ATP2B2: variants seen among roughly 807,000 people sequenced by gnomAD.
ATP2B2 encodes plasma membrane calcium-transporting ATPase 2.
In ATP2B2, 15 loss-of-function variants were observed where a neutral mutation model predicts 120.0. The observed-to-expected ratio is 0.12, with a 90% CI of 0.08 to 0.19. The LOEUF is 0.19. ATP2B2 is among the 10% of genes least tolerant of loss of function. The pLI, the probability that ATP2B2 is intolerant of heterozygous loss-of-function variation, is 1.00. For synonymous variants in ATP2B2, 694 were observed against 700.3 expected (o/e 0.99, Z 0.14); for missense variants, 1,045 against 1,719.8 (o/e 0.61, Z 6.94).
At chr3:10,453,758 A>G (rs1326255492) in intron 1 of ATP2B2, among the ~76,000 whole-genome samples, 1 of 152,208 alleles carries the variant, frequency 6.6e-6, no homozygotes, top group African/African-American at 2.4e-5. Flanking sequence ...TATATCTGTG[A>G]TCACAACAGT....
At chr3:10,468,100 G>A (rs2125266341) in intron 1 of ATP2B2, among the ~76,000 whole-genome samples, 2 of 152,342 alleles carry the variant, frequency 1.3e-5, no homozygotes, top group Middle Eastern at 3.4e-3. Context: ...GGAGATGCCA[G>A]GGAAGTGGGA....
In ATP2B2 at chr3:10,496,945, G is replaced by A. The variant is rs539217593; in HGVS notation, c.-320+8520C>T. ...TGGCTGGACCAACGGGCCAGCCACG[G>A]CTTTTGCTGTCTCCAGGAGGGAATT... On this transcript the variant is annotated intron_variant, in intron 1 of 22. Coordinates refer to ENST00000360273, the MANE Select transcript of ATP2B2 (RefSeq NM_001001331.4). Among the ~76,000 whole-genome samples, 454 of 152,350 alleles carry A rather than the reference G, an allele frequency of 3.0e-3. 2 individuals are homozygous for A. The highest frequency in any genetic ancestry group is 6.3e-3 in the Admixed American group (97 of 15,308).
rs866123157 is a variant in ATP2B2, at chr3:10,471,897, G to A, written c.-319-22035C>T. Reference sequence around the variant, plus strand: ...AGATCGAGACCATCCTGGCGAACACGGTGAAACCCCGTCTCTACTAAAAAT... The same window carrying A: ...AGATCGAGACCATCCTGGCGAACACAGTGAAACCCCGTCTCTACTAAAAAT... On this transcript the variant is annotated intron_variant, in intron 1 of 22. Coordinates refer to ENST00000360273, the MANE Select transcript of ATP2B2 (RefSeq NM_001001331.4). 3.6e-4 allele frequency among the ~76,000 whole-genome samples: 54 copies of A among 151,830 alleles called. 1 individual carries two copies. Among genetic ancestry groups the A allele is most frequent in the East Asian group, 2.5e-3 (13 of 5,168 alleles).
intron 3 of ATP2B2, among the ~76,000 whole-genome samples, chr3:10,528,580 T>C (rs745850504): frequency 6.6e-6 from 1 of 152,214 alleles, no homozygotes; most frequent in Admixed American, 6.5e-5. Context: ...GCAAGTTTCC[T>C]AGCCACTGTA....
chr3:10,467,808 G>A (rs59871546), intron 1 of ATP2B2, among the ~76,000 whole-genome samples: 11,580 of 152,158 alleles, frequency 0.076, 580 homozygotes, highest in African/African-American at 0.15. Context: ...TCACAGAGAT[G>A]AGCGTGAGAG....
At chr3:10,394,851 A>G (rs961662628) in intron 5 of ATP2B2, among the ~76,000 whole-genome samples, 2 of 151,898 alleles carry the variant, frequency 1.3e-5, no homozygotes, top group Non-Finnish European at 2.9e-5. Flanking sequence ...TTTTGAAGAC[A>G]GCCCCGCCAT....
Position 10,388,171 on chromosome 3 carries a change from G to A in ATP2B2, c.907+106C>T, listed in dbSNP as rs531543689. 123 of 1,528,868 alleles carry A rather than the reference G, an allele frequency of 8.0e-5. No individual in the cohort carries two copies. In the African/African-American group the frequency reaches 1.0e-3, roughly 12 times the overall value. The allele number at this position is 1,528,868 out of a possible 1,614,324, so 94.7% of individuals were successfully genotyped here. A position where few individuals can be genotyped will look rare whatever the true frequency, so the allele number is the denominator to read the frequency against. On this transcript the variant is annotated intron_variant, in intron 6 of 22. Coordinates refer to ENST00000360273, the MANE Select transcript of ATP2B2 (RefSeq NM_001001331.4). ...GGAGGTGGCTGTCAGCACAGGGTGCGGACGTAGAAGGCACTCAATAACTAT... is the reference window on the plus strand; with the variant it reads ...GGAGGTGGCTGTCAGCACAGGGTGCAGACGTAGAAGGCACTCAATAACTAT...
chr3:10,681,806 AC>A (rs2071390804), intron 1 of ATP2B2, among the ~76,000 whole-genome samples: 1 of 152,214 alleles, frequency 6.6e-6, no homozygotes, highest in African/African-American at 2.4e-5. Context: ...AAATGGAGAA[AC>A]CAGTATTCAA....
chr3:10,476,138 A>AC (rs112260331), intron 1 of ATP2B2, among the ~76,000 whole-genome samples: 25,084 of 151,940 alleles, frequency 0.17, 2,599 homozygotes, highest in East Asian at 0.48. Context: ...TAATCATATC[A>AC]CCCCCAAAAG....
At chr3:10,678,025 C>T (rs1378305436) in intron 1 of ATP2B2, among the ~76,000 whole-genome samples, 2 of 152,266 alleles carry the variant, frequency 1.3e-5, no homozygotes, top group East Asian at 1.9e-4. Context: ...CAAGGTCACA[C>T]AGCTGGCAAC....
intron 1 of ATP2B2, among the ~76,000 whole-genome samples, chr3:10,491,262 G>A (rs1441403917): frequency 7.8e-6 from 1 of 128,090 alleles, no homozygotes; most frequent in Non-Finnish European, 1.6e-5. Context: ...TTTCACTCTT[G>A]TCACCCAGGC....
intron 2 of ATP2B2, among the ~76,000 whole-genome samples, chr3:10,431,331 A>G (rs2063307857): frequency 6.6e-6 from 1 of 152,076 alleles, no homozygotes; most frequent in Non-Finnish European, 1.5e-5. Context: ...AAGAGAGTCA[A>G]TCTACACAGC....
At chr3:10,469,468 T>C (rs955477509) in intron 1 of ATP2B2, among the ~76,000 whole-genome samples, 2 of 152,164 alleles carry the variant, frequency 1.3e-5, no homozygotes, top group Non-Finnish European at 2.9e-5. Context: ...TAGGTAAATA[T>C]AAGGGTGATA....
chr3:10,447,411 T>A (rs2063874908), intron 2 of ATP2B2, among the ~76,000 whole-genome samples: 1 of 152,164 alleles, frequency 6.6e-6, no homozygotes, highest in African/African-American at 2.4e-5. Context: ...GTGGGAGTGG[T>A]AGGTGGTTTT....
intron 5 of ATP2B2, among the ~76,000 whole-genome samples, chr3:10,388,930 TA>T (rs530597934): frequency 1.3e-5 from 2 of 152,242 alleles, no homozygotes; most frequent in Non-Finnish European, 2.9e-5. Context: ...CTATACCACA[TA>T]TTTTTTTTCT....
intron 2 of ATP2B2, among the ~76,000 whole-genome samples, chr3:10,563,459 C>A (rs2067946696): frequency 6.6e-6 from 1 of 152,246 alleles, no homozygotes; most frequent in Non-Finnish European, 1.5e-5. Flanking sequence ...GTGGCTTTCC[C>A]CCTTCCACTC....
At chr3:10,641,737 C>T (rs907577957) in intron 1 of ATP2B2, among the ~76,000 whole-genome samples, 9 of 151,956 alleles carry the variant, frequency 5.9e-5, no homozygotes, top group East Asian at 5.8e-4. Flanking sequence ...TCTGAGGGAC[C>T]GGGAAAGGAG....
intron 1 of ATP2B2, among the ~76,000 whole-genome samples, chr3:10,672,317 T>C (rs956671426): frequency 1.3e-5 from 2 of 152,226 alleles, no homozygotes; most frequent in African/African-American, 4.8e-5. Flanking sequence ...ATTTTGTCCT[T>C]AACAGCTGGG....
intron 2 of ATP2B2, among the ~76,000 whole-genome samples, chr3:10,567,543 G>A (rs373727378): frequency 3.7e-4 from 56 of 152,168 alleles, no homozygotes; most frequent in African/African-American, 1.4e-3. Context: ...TGACTTCTGT[G>A]AGTCTCAGTT....
Sources: allele counts gnomAD v4.1 joint callset (sites outside exome capture counted in the v4.1 genomes callset), GRCh38; gene constraint gnomAD v4.1.1; transcripts MANE v1.5; gene names NCBI Gene and HGNC (gene_info 2026-07-23, HGNC 2026-07-21).